COX7B2: variants seen among roughly 807,000 people sequenced by gnomAD.
The protein encoded by COX7B2 is cytochrome c oxidase subunit 7B2, mitochondrial.
For missense variants in COX7B2, 109 were observed against 95.9 expected, an observed-to-expected ratio of 1.14 and a Z score of -0.57; for synonymous variants, 37 against 32.1, an observed-to-expected ratio of 1.15 and a Z score of -0.51.
chr4:46,791,164 A>C (rs1179026731), intron 2 of COX7B2, among the ~76,000 whole-genome samples: 1 of 150,462 alleles, frequency 6.6e-6, no homozygotes, highest in East Asian at 1.9e-4. Context: ...ACATCTGGCT[A>C]ATTTTTTGTA....
At chr4:46,742,328 A>T (rs1714764651) in intron 2 of COX7B2, among the ~76,000 whole-genome samples, 1 of 151,976 alleles carries the variant, frequency 6.6e-6, no homozygotes, top group Non-Finnish European at 1.5e-5. Flanking sequence ...AATAAGAAAC[A>T]ATAAAAAAAA....
Position 46,818,647 on chromosome 4 carries a change from A to AG in COX7B2, c.-50+26312_-50+26313insC, listed in dbSNP as rs571692923. The stretch of plus-strand genomic sequence containing the variant: ...GCGAGACTCTGTCTCAAAAAAAAAA[A>AG]AAAGAAAGAAAGAAAACAGACTACT... On this transcript the variant is annotated intron_variant, in intron 2 of 2. Coordinates refer to ENST00000355591, the MANE Select transcript of COX7B2 (RefSeq NM_130902.3). Among the ~76,000 whole-genome samples the AG allele has an allele frequency of 1.3e-3, 202 of 152,176 alleles. 2 individuals carry two copies. Among genetic ancestry groups the AG allele is most frequent in the African/African-American group, 4.6e-3 (191 of 41,534 alleles).
intron 1 of COX7B2, among the ~76,000 whole-genome samples, chr4:46,855,223 A>C (rs1190616186): frequency 6.6e-6 from 1 of 152,138 alleles, no homozygotes; most frequent in Admixed American, 6.6e-5. Flanking sequence ...GCTACTCAGG[A>C]GGCTGAAGCA....
At chr4:46,837,877 A>G (rs1428150693) in intron 2 of COX7B2, among the ~76,000 whole-genome samples, 3 of 152,086 alleles carry the variant, frequency 2.0e-5, no homozygotes, top group African/African-American at 7.2e-5. Flanking sequence ...TAACCATAGA[A>G]CAAATTTACA....
chr4:46,821,805 T>C (rs1714312817), intron 2 of COX7B2, among the ~76,000 whole-genome samples: 1 of 152,238 alleles, frequency 6.6e-6, no homozygotes, highest in African/African-American at 2.4e-5. Context: ...AAACTAAGCC[T>C]AGGAAACTAA....
chr4:46,845,656 GAA>G (rs944034663), intron 1 of COX7B2, among the ~76,000 whole-genome samples: 2 of 151,750 alleles, frequency 1.3e-5, no homozygotes, highest in African/African-American at 4.8e-5. Flanking sequence ...TAGGGACACA[GAA>G]AAAAAGAGCA....
chr4:46,753,625 G>C (rs986992270), intron 2 of COX7B2, among the ~76,000 whole-genome samples: 2 of 152,068 alleles, frequency 1.3e-5, no homozygotes, highest in Non-Finnish European at 1.5e-5. Flanking sequence ...AGAAAACCTA[G>C]GCAATACCAT....
chr4:46,888,578 G>A (rs1300645829), intron 1 of COX7B2, among the ~76,000 whole-genome samples: 1 of 151,490 alleles, frequency 6.6e-6, no homozygotes, highest in Non-Finnish European at 1.5e-5. Flanking sequence ...TGAGTAGCTG[G>A]GACTACAGGC....
chr4:46,756,868 A>G (rs1715832802), intron 2 of COX7B2, among the ~76,000 whole-genome samples: 1 of 152,092 alleles, frequency 6.6e-6, no homozygotes, highest in Non-Finnish European at 1.5e-5. Context: ...TTAATGTAAA[A>G]CAAACTAGGT....
chr4:46,807,822 T>C lies in COX7B2; in HGVS notation c.-50+37138A>G, dbSNP rs186806839. Among the ~76,000 whole-genome samples the C allele has an allele frequency of 3.4e-3, 524 of 151,940 alleles. 4 individuals are homozygous for C. The highest frequency in any genetic ancestry group is 0.012 in the African/African-American group (492 of 41,550). Reference sequence around the variant, plus strand: ...TTGTCTTCATGTCCTTGTCTAAAATTAGTTGATAGTATATATTTAGGTTTA... The same window carrying C: ...TTGTCTTCATGTCCTTGTCTAAAATCAGTTGATAGTATATATTTAGGTTTA... On this transcript the variant is annotated intron_variant, in intron 2 of 2. Transcript: ENST00000355591.
chr4:46,887,460 C>T (rs1462935111), intron 1 of COX7B2, among the ~76,000 whole-genome samples: 1 of 151,980 alleles, frequency 6.6e-6, no homozygotes, highest in Admixed American at 6.6e-5. Flanking sequence ...ACCTGTAATC[C>T]CAGCACTTTG....
intron 1 of COX7B2, among the ~76,000 whole-genome samples, chr4:46,876,445 G>A (rs530304664): frequency 1.8e-4 from 24 of 135,062 alleles, no homozygotes; most frequent in Non-Finnish European, 3.1e-4. Flanking sequence ...TCGCTATGTC[G>A]CCCAGGCTGG....
At chr4:46,842,558 C>G (rs1013200664) in intron 2 of COX7B2, among the ~76,000 whole-genome samples, 1 of 151,898 alleles carries the variant, frequency 6.6e-6, no homozygotes, top group East Asian at 1.9e-4. Flanking sequence ...CCACTCCCCC[C>G]ACCCCACAAC....
chr4:46,762,780 T>C (rs1716264756), intron 2 of COX7B2, among the ~76,000 whole-genome samples: 1 of 147,942 alleles, frequency 6.8e-6, no homozygotes, highest in Non-Finnish European at 1.5e-5. Context: ...ATTATCTTCA[T>C]ATACATATGA....
At chr4:46,807,683 T>G (rs1003110043) in intron 2 of COX7B2, among the ~76,000 whole-genome samples, 1 of 151,878 alleles carries the variant, frequency 6.6e-6, no homozygotes, top group Non-Finnish European at 1.5e-5. Context: ...GGGTTGACTT[T>G]TTGTGTATGG....
At chr4:46,751,876 G>T (rs941341183) in intron 2 of COX7B2, among the ~76,000 whole-genome samples, 1 of 151,794 alleles carries the variant, frequency 6.6e-6, no homozygotes, top group Non-Finnish European at 1.5e-5. Context: ...TGTTCTTTTG[G>T]CTTAGGATTG....
intron 2 of COX7B2, among the ~76,000 whole-genome samples, chr4:46,787,549 G>T (rs56314535): frequency 0.021 from 3,179 of 152,208 alleles, 100 homozygotes; most frequent in African/African-American, 0.072. Context: ...GCTCAATGTT[G>T]ACTAAATAAC....
rs181169026 is a variant in COX7B2, at chr4:46,811,688, T to G, written c.-50+33272A>C. On this transcript the variant is annotated intron_variant, in intron 2 of 2. Transcript: ENST00000355591. ...GAATTATTGTGTTCCTTTGGTGGAGTCATATTTCCTTGCCTTTTCATGTTT... is the reference window on the plus strand; with the variant it reads ...GAATTATTGTGTTCCTTTGGTGGAGGCATATTTCCTTGCCTTTTCATGTTT... Among the ~76,000 whole-genome samples, 1,158 of 152,214 alleles carry G rather than the reference T, an allele frequency of 7.6e-3. 10 individuals are homozygous for G. The highest frequency in any genetic ancestry group is 9.6e-3 in the Non-Finnish European group (651 of 68,008).
intron 1 of COX7B2, among the ~76,000 whole-genome samples, chr4:46,889,519 G>A (rs1577702828): frequency 6.6e-6 from 1 of 152,142 alleles, no homozygotes; most frequent in African/African-American, 2.4e-5. Flanking sequence ...TGACAAACGG[G>A]GAAGCAAGAT....
Sources: allele counts gnomAD v4.1 joint callset (sites outside exome capture counted in the v4.1 genomes callset), GRCh38; gene constraint gnomAD v4.1.1; transcripts MANE v1.5; gene names NCBI Gene and HGNC (gene_info 2026-07-23, HGNC 2026-07-21).